PIGL: variants seen among roughly 807,000 people sequenced by gnomAD.
PIGL encodes phosphatidylinositol glycan anchor biosynthesis class L, also known as N-acetylglucosaminyl-phosphatidylinositol de-N-acetylase.
PIGL carries 22 observed loss-of-function variants against 31.1 expected under a neutral mutation model. The ratio of observed to expected loss-of-function variants is 0.71; its 90% confidence interval spans 0.51 to 1.01. PIGL has a LOEUF of 1.01. Among genes scored for constraint, PIGL ranks in the 50% least tolerant of loss-of-function variants. The pLI is 0.00. For synonymous variants in PIGL, 131 were observed against 117.4 expected, an observed-to-expected ratio of 1.12 and a Z score of -0.75; for missense variants, 302 against 315.9, an observed-to-expected ratio of 0.96 and a Z score of 0.33.
intron 2 of PIGL, among the ~76,000 whole-genome samples, chr17:16,269,859 T>G (rs2092862985): frequency 6.6e-6 from 1 of 152,162 alleles, no homozygotes; most frequent in Admixed American, 6.5e-5. Flanking sequence ...TGTTCTGTTT[T>G]TTTTAAGAAT....
chr17:16,299,452 A>C (rs2092995554), intron 2 of PIGL, among the ~76,000 whole-genome samples: 1 of 152,204 alleles, frequency 6.6e-6, no homozygotes, highest in East Asian at 1.9e-4. Context: ...TCAAAAAGAA[A>C]AAAACAAAAC....
At position 16,316,663 on chromosome 17, in the gene PIGL, G is replaced by C. The variant is rs530001498; in HGVS notation, c.495-18G>C. The C allele has an allele frequency of 9.4e-6, 15 of 1,594,496 alleles. No individual in the cohort carries two copies. Among genetic ancestry groups the C allele is most frequent in the African/African-American group, 9.4e-5 (7 of 74,752 alleles). On this transcript the variant is annotated intron_variant, in intron 4 of 6. Transcript: ENST00000225609. ...AATGATCCTTACTCCTCTCACTCTT[G>C]TCCTATCCCTCCTCCAGGGCCCTGC...
In PIGL at chr17:16,315,587, G is replaced by A. The variant is rs372199706; in HGVS notation, c.495-1094G>A. Among the ~76,000 whole-genome samples, 4 of 151,958 alleles carry A rather than the reference G, an allele frequency of 2.6e-5. No homozygotes were observed. The South Asian group carries it at 6.2e-4, about 24-fold the overall frequency. On this transcript the variant is annotated intron_variant, in intron 4 of 6. Transcript: ENST00000225609. ...TTCCAGACAGCGCCTCTAGCTCACT[G>A]CTTTCCCTGGACATCAGAATATCCA...
chr17:16,253,134 C>T lies in PIGL; in HGVS notation c.335+19064C>T, dbSNP rs144387305. Among the ~76,000 whole-genome samples the T allele has an allele frequency of 7.0e-4, 107 of 152,040 alleles. No individual in the cohort carries two copies. The South Asian group carries it at 0.013, about 19-fold the overall frequency. ...ATCACAAGGTCAGGATGCGCCATCA[C>T]GCCCAGTTACCCGGGAGGCTGAGGC... On this transcript the variant is annotated intron_variant, in intron 2 of 6. Coordinates refer to ENST00000225609, the MANE Select transcript of PIGL (RefSeq NM_004278.4).
intron 1 of PIGL, among the ~76,000 whole-genome samples, chr17:16,221,682 C>T (rs2092630121): frequency 1.3e-5 from 2 of 152,086 alleles, no homozygotes; most frequent in Admixed American, 1.3e-4. Context: ...TGCAGTGGCA[C>T]AATCTCGGCT....
chr17:16,313,585 C>T lies in PIGL; in HGVS notation c.465C>T (p.Ser155=), dbSNP rs753655024. 3 of 1,613,834 alleles carry T rather than the reference C, an allele frequency of 1.9e-6. No homozygotes were observed. In the South Asian group the frequency reaches 3.3e-5, roughly 18 times the overall value. Residue 155 remains serine (S), a synonymous_variant, in exon 4 of 7, where the codon AGC becomes AGT. Coordinates refer to ENST00000225609, the MANE Select transcript of PIGL (RefSeq NM_004278.4). ...TFDAGGVSGH[S]NHIALYAAVR... The stretch of plus-strand genomic sequence containing the variant: ...ATGCAGGGGGAGTAAGTGGCCACAG[C>T]AATCACATTGCTCTGTATGCAGCTG...
chr17:16,248,705 C>T (rs1177987836), intron 2 of PIGL, among the ~76,000 whole-genome samples: 1 of 152,196 alleles, frequency 6.6e-6, no homozygotes, highest in Non-Finnish European at 1.5e-5. Context: ...CCTCAAAACT[C>T]CTCCAACCTC....
chr17:16,233,403 G>A (rs2092686883), intron 1 of PIGL, among the ~76,000 whole-genome samples: 1 of 152,100 alleles, frequency 6.6e-6, no homozygotes, highest in African/African-American at 2.4e-5. Flanking sequence ...GTGCCAATGG[G>A]ATCAAGATCC....
At chr17:16,227,689 TC>T (rs1314313727) in intron 1 of PIGL, among the ~76,000 whole-genome samples, 2 of 151,156 alleles carry the variant, frequency 1.3e-5, no homozygotes, top group Admixed American at 1.3e-4. Context: ...CAAGCGATTT[TC>T]CTGCCTCAGC....
intron 2 of PIGL, among the ~76,000 whole-genome samples, chr17:16,256,642 G>A (rs977519254): frequency 2.6e-5 from 4 of 151,844 alleles, no homozygotes; most frequent in African/African-American, 9.7e-5. Flanking sequence ...GAGCCACCGC[G>A]CCCAGCCGTT....
At chr17:16,234,626 G>A (rs778502663) in intron 2 of PIGL, among the ~76,000 whole-genome samples, 9 of 152,018 alleles carry the variant, frequency 5.9e-5, no homozygotes, top group Admixed American at 6.6e-5. Context: ...TTAGCCGGGC[G>A]TATTGGCCTA....
intron 1 of PIGL, among the ~76,000 whole-genome samples, chr17:16,227,640 G>T (rs1471649544): frequency 6.9e-6 from 1 of 144,566 alleles, no homozygotes; most frequent in Non-Finnish European, 1.5e-5. Context: ...GAGTACAATG[G>T]CATGATCTCG....
Position 16,323,876 on chromosome 17 carries a change from C to G in PIGL, c.661-1924C>G, listed in dbSNP as rs532898229. Among the ~76,000 whole-genome samples, 4 of 152,124 alleles carry G rather than the reference C, an allele frequency of 2.6e-5. 1 individual carries two copies. In the South Asian group the frequency reaches 8.3e-4, roughly 32 times the overall value. On this transcript the variant is annotated intron_variant, in intron 6 of 6. Coordinates refer to ENST00000225609, the MANE Select transcript of PIGL (RefSeq NM_004278.4). ...TGGTGATCTGCACAACTCAGCCTCC[C>G]AAAGTGATAGGATTACAAACATGAG...
intron 3 of PIGL, among the ~76,000 whole-genome samples, chr17:16,310,286 A>AGT (rs10522327): frequency 0.034 from 5,021 of 146,292 alleles, 142 homozygotes; most frequent in African/African-American, 0.08. Context: ...ATTATTAAAA[A>AGT]GTGTGTGTGT....
chr17:16,236,978 C>G (rs2092701749), intron 2 of PIGL, among the ~76,000 whole-genome samples: 1 of 151,984 alleles, frequency 6.6e-6, no homozygotes, highest in Non-Finnish European at 1.5e-5. Flanking sequence ...CTCACTGTTA[C>G]CCAGGGTGGA....
In PIGL at chr17:16,308,117, G is replaced by A. The variant is rs150596479; in HGVS notation, c.427-5430G>A. ...TGGGAGGCTGAGGCAGGTGCATCAC[G>A]AGGTCAGGAGTTTGAGCCCAGCCTG... On this transcript the variant is annotated intron_variant, in intron 3 of 6. Transcript: ENST00000225609. Among the ~76,000 whole-genome samples the A allele has an allele frequency of 9.7e-3, 1,479 of 151,972 alleles. 22 individuals are homozygous for A. Among genetic ancestry groups the A allele is most frequent in the African/African-American group, 0.034 (1,389 of 41,448 alleles).
intron 3 of PIGL, among the ~76,000 whole-genome samples, chr17:16,309,769 AAAAAG>A (rs2093040839): frequency 1.4e-5 from 2 of 144,050 alleles, no homozygotes; most frequent in South Asian, 2.2e-4. Context: ...TCTTAAAAAA[AAAAAG>A]AAAGAAAGAA....
At chr17:16,221,897 A>G (rs2092631183) in intron 1 of PIGL, among the ~76,000 whole-genome samples, 1 of 151,918 alleles carries the variant, frequency 6.6e-6, no homozygotes. Context: ...GGGATTACAG[A>G]CGTGAGCCAC....
At position 16,313,535 on chromosome 17, in the gene PIGL, G is replaced by T. The variant is rs2093063654; in HGVS notation, c.427-12G>T. 6.2e-7 allele frequency: 1 copy of T among 1,605,144 alleles called. No homozygotes were observed. The highest frequency in any genetic ancestry group is 1.3e-5 in the African/African-American group (1 of 74,796). On this transcript the variant is annotated splice_polypyrimidine_tract_variant and intron_variant, in intron 3 of 6. Coordinates refer to ENST00000225609, the MANE Select transcript of PIGL (RefSeq NM_004278.4). ...AGAAGGCATTCAGTGAAAACCCTGT[G>T]TTTCTCTACAGGTGGTGACTTTCGA...
Sources: allele counts gnomAD v4.1 joint callset (sites outside exome capture counted in the v4.1 genomes callset), GRCh38; gene constraint gnomAD v4.1.1; transcripts MANE v1.5; gene names NCBI Gene and HGNC (gene_info 2026-07-23, HGNC 2026-07-21).